Variants in CCDC81 observed in about 807,000 individuals in gnomAD.
CCDC81 encodes coiled-coil domain containing 81, also known as coiled-coil domain-containing protein 81.
CCDC81 carries 79 observed loss-of-function variants against 83.7 expected under a neutral mutation model. That is an observed-to-expected ratio of 0.94 (90% CI 0.79 to 1.14). The LOEUF is 1.14. CCDC81 is among the 50% of genes most tolerant of loss of function. CCDC81 has a pLI of 0.00. For synonymous variants in CCDC81, 252 were observed against 278.1 expected, an observed-to-expected ratio of 0.91 and a Z score of 0.93; for missense variants, 791 against 778.1, an observed-to-expected ratio of 1.02 and a Z score of -0.20.
rs768559155 is a variant in CCDC81 at position 86,407,625 on chromosome 11, C to G, written c.893C>G (p.Pro298Arg). Residue 298 changes from proline (P) to arginine (R), a missense_variant, in exon 8 of 15, where the codon CCA becomes CGA. By Grantham distance (103) the Pro-to-Arg change is moderately radical (BLOSUM62 -2). Coordinates refer to ENST00000445632, the MANE Select transcript of CCDC81 (RefSeq NM_001156474.2). ...CATTGTTTTTATAGCTTATCATATC[C>G]AAGTTGTCTGAAACACGACAGTGAG... The part of the protein sequence containing the change: ...KIMTPESLSY[P>R]SCLKHDSEMK... 4 of 1,611,724 alleles carry G rather than the reference C, an allele frequency of 2.5e-6. No individual in the cohort carries two copies. Among genetic ancestry groups the G allele is most frequent in the Non-Finnish European group, 3.4e-6 (4 of 1,178,254 alleles).
chr11:86,409,996 A>G (rs1948619438), intron 10 of CCDC81, among the ~76,000 whole-genome samples: 1 of 152,180 alleles, frequency 6.6e-6, no homozygotes, highest in African/African-American at 2.4e-5. Flanking sequence ...CAGTATCAGC[A>G]TTGCCTGGGA....
intron 6 of CCDC81, among the ~76,000 whole-genome samples, chr11:86,400,021 C>T (rs552717805): frequency 3.3e-5 from 5 of 150,046 alleles, no homozygotes; most frequent in African/African-American, 1.2e-4. Context: ...ATTCCAGCTA[C>T]TTGGGAGGCT....
intron 3 of CCDC81, among the ~76,000 whole-genome samples, chr11:86,390,430 T>C (rs931879762): frequency 6.6e-6 from 1 of 152,174 alleles, no homozygotes; most frequent in African/African-American, 2.4e-5. Context: ...GGACCAATTG[T>C]GAGGGGCCTT....
chr11:86,414,775 T>C lies in CCDC81; in HGVS notation c.1392-14T>C. On this transcript the variant is annotated splice_polypyrimidine_tract_variant and intron_variant, in intron 11 of 14. Coordinates refer to ENST00000445632, the MANE Select transcript of CCDC81 (RefSeq NM_001156474.2). ...CAAAACTGTGGTCCATCTTCTCTTG[T>C]TCTTAACTGCCAGACTTGCTGCGCA... 6.3e-7 allele frequency: 1 copy of C among 1,594,994 alleles called. No homozygotes were observed. Among genetic ancestry groups the C allele is most frequent in the East Asian group, 2.2e-5 (1 of 44,802 alleles).
chr11:86,398,979 A>C (rs961766244), intron 6 of CCDC81, among the ~76,000 whole-genome samples: 4 of 152,212 alleles, frequency 2.6e-5, no homozygotes, highest in Admixed American at 6.5e-5. Context: ...AATGTGGCCC[A>C]AGTGATATCA....
intron 9 of CCDC81, 110 bp from the exon 10 acceptor site, chr11:86,409,151 T>C (rs1277584983): frequency 4.2e-6 from 2 of 481,552 alleles, no homozygotes. Context: ...AAGGCAGGTT[T>C]CTACCATGGC....
intron 4 of CCDC81, among the ~76,000 whole-genome samples, chr11:86,393,000 A>G (rs751649982): frequency 6.6e-6 from 1 of 152,254 alleles, no homozygotes; most frequent in Non-Finnish European, 1.5e-5. Flanking sequence ...ATCAAAGTCA[A>G]TTGAGGGATA....
intron 6 of CCDC81, 50 bp from the exon 7 acceptor site, chr11:86,400,628 G>A: frequency 3.2e-6 from 5 of 1,550,102 alleles, no homozygotes; most frequent in Non-Finnish European, 4.4e-6. Context: ...CACAGTTAGT[G>A]GTTTGAGAGT....
At position 86,422,719 on chromosome 11, in the gene CCDC81, T is replaced by C. The variant is rs774426780; in HGVS notation, c.*4T>C. On this transcript the variant is annotated 3_prime_UTR_variant, in exon 15 of 15. Coordinates refer to ENST00000445632, the MANE Select transcript of CCDC81 (RefSeq NM_001156474.2). ...TGGCTCCCGGTTGCTTGTGTAAAAC[T>C]CAAAGTTTGGCTCTTCGTTTCCCGG... 5 of 1,610,732 alleles carry C rather than the reference T, an allele frequency of 3.1e-6. No homozygotes were observed. The highest frequency in any genetic ancestry group is 2.2e-5 in the South Asian group (2 of 90,844).
In CCDC81 at chr11:86,390,122, AT is replaced by A. The variant is rs201241056; in HGVS notation, c.299-2418del. Among the ~76,000 whole-genome samples the A allele has an allele frequency of 1.0e-2, 1,518 of 152,230 alleles. 10 individuals are homozygous for A. The highest frequency in any genetic ancestry group is 0.017 in the Middle Eastern group (5 of 294). Reference sequence around the variant, plus strand: ...CCATCTCAAGAAAAAAAGAAAAAAAATATGATGAAACATGATTAAGTGCTAT... The same window carrying A: ...CCATCTCAAGAAAAAAAGAAAAAAAAATGATGAAACATGATTAAGTGCTAT... On this transcript the variant is annotated intron_variant, in intron 3 of 14. Coordinates refer to ENST00000445632, the MANE Select transcript of CCDC81 (RefSeq NM_001156474.2).
intron 1 of CCDC81, among the ~76,000 whole-genome samples, chr11:86,376,056 G>T (rs768076593): frequency 4.3e-4 from 65 of 152,132 alleles, no homozygotes; most frequent in Non-Finnish European, 1.5e-4. Context: ...TGCTATATTT[G>T]TAAATTTATG....
chr11:86,400,542 C>G, intron 6 of CCDC81, 136 bp from the exon 7 acceptor site: 1 of 876,718 alleles, frequency 1.1e-6, no homozygotes, highest in South Asian at 2.5e-5. Flanking sequence ...TTTTTTTATA[C>G]CACAATAGAA....
At chr11:86,399,577 A>G (rs1948456559) in intron 6 of CCDC81, among the ~76,000 whole-genome samples, 1 of 151,954 alleles carries the variant, frequency 6.6e-6, no homozygotes. Context: ...CGGCCTCCCA[A>G]AGTGTTGGGA....
intron 11 of CCDC81, among the ~76,000 whole-genome samples, chr11:86,412,878 G>A (rs1488760183): frequency 6.6e-6 from 1 of 152,132 alleles, no homozygotes; most frequent in Non-Finnish European, 1.5e-5. Context: ...AAGCCCCAGT[G>A]GGCATGTGTT....
intron 6 of CCDC81, among the ~76,000 whole-genome samples, chr11:86,398,796 C>T (rs751224488): frequency 1.3e-5 from 2 of 152,176 alleles, no homozygotes; most frequent in Non-Finnish European, 2.9e-5. Flanking sequence ...TGGTCTCAAA[C>T]TCCTGACTTC....
In CCDC81 at chr11:86,409,313, T is replaced by C. The variant is rs1948605694; in HGVS notation, c.1166T>C (p.Leu389Pro). 1 of 1,545,502 alleles carries C rather than the reference T, an allele frequency of 6.5e-7. No individual in the cohort carries two copies. The highest frequency in any genetic ancestry group is 8.7e-7 in the Non-Finnish European group (1 of 1,149,438). Residue 389 changes from leucine to proline, a missense_variant, in exon 10 of 15, where the codon CTT becomes CCT. Physicochemically the swap from Leu to Pro is moderately conservative, Grantham distance 98. Coordinates refer to ENST00000445632, the MANE Select transcript of CCDC81 (RefSeq NM_001156474.2). The part of the protein sequence containing the change: ...EQNQKNAAYN[L>P]GVAEAIRNHK... ...AATCAGAAAAATGCTGCCTATAATC[T>C]TGGAGTTGCTGAAGCTATAAGAAAC...
chr11:86,419,851 A>T, intron 13 of CCDC81, 77 bp from the exon 14 acceptor site: 1 of 1,484,712 alleles, frequency 6.7e-7, no homozygotes, highest in African/African-American at 1.4e-5. Flanking sequence ...TTTGTTTAAC[A>T]TAAAAGGAAT....
Position 86,419,982 on chromosome 11 carries a change from C to T in CCDC81, c.1746C>T (p.Cys582=), listed in dbSNP as rs1415787981. The change falls in exon 14 of 15, where the codon TGC becomes TGT. Residue 582 remains cysteine (C), a synonymous_variant. Transcript: ENST00000445632. The part of the protein sequence containing the change: ...ELERVNRVNQ[C]LQEDWERSAA... ...AGCGAGTAAATAGAGTCAACCAATG[C>T]TTACAGGAGGACTGGGAAAGGAGTG... is the stretch of plus-strand genomic sequence containing the variant. The T allele has an allele frequency of 1.9e-6, 3 of 1,613,752 alleles. No individual in the cohort carries two copies. The highest frequency in any genetic ancestry group is 2.7e-5 in the African/African-American group (2 of 74,896).
chr11:86,375,051 C>T lies in CCDC81; in HGVS notation c.-113C>T. On this transcript the variant is annotated 5_prime_UTR_variant, in exon 1 of 15. Transcript: ENST00000445632. ...GTCACTCTTATTTTTAAGGCACATC[C>T]AAAGCTCCGTGGAGAAGGGGCTGGA... The T allele has an allele frequency of 1.1e-6, 1 of 916,582 alleles. No individual in the cohort carries two copies. Among genetic ancestry groups the T allele is most frequent in the Non-Finnish European group, 1.8e-6 (1 of 550,850 alleles). 56.8% of individuals were successfully genotyped at this position (916,582 alleles called of 1,614,324 possible). A position where few individuals can be genotyped will look rare whatever the true frequency, so the allele number is the denominator to read the frequency against.
Sources: gnomAD v4.1 joint callset for allele counts (sites outside exome capture counted in the v4.1 genomes callset) on GRCh38, gnomAD v4.1.1 for gene constraint, MANE v1.5 for transcripts, NCBI Gene and HGNC (gene_info 2026-07-23, HGNC 2026-07-21) for gene names.